Variants in SAE1 observed in about 807,000 individuals in gnomAD.
SAE1 encodes the protein SUMO1 activating enzyme subunit 1.
A neutral mutation model predicts 40.6 loss-of-function variants in SAE1; 11 were observed. That is an observed-to-expected ratio of 0.27 (90% CI 0.17 to 0.45). The LOEUF is 0.45. Among genes scored for constraint, SAE1 ranks in the 20% least tolerant of loss-of-function variants. The probability of loss-of-function intolerance (pLI) is 1.00; values close to 1 mark genes in which losing one functional copy is unlikely to be tolerated. For missense variants in SAE1, 373 were observed against 427.3 expected, an observed-to-expected ratio of 0.87 and a Z score of 1.12; for synonymous variants, 155 against 154.3, an observed-to-expected ratio of 1.00 and a Z score of -0.03.
intron 7 of SAE1, among the ~76,000 whole-genome samples, chr19:47,201,128 G>A (rs964445069): frequency 7.9e-5 from 12 of 151,148 alleles, no homozygotes; most frequent in African/African-American, 1.2e-4. Flanking sequence ...TGCAACCTCC[G>A]CCTCTGTGCT....
intron 5 of SAE1, among the ~76,000 whole-genome samples, chr19:47,162,897 C>T (rs1010237691): frequency 2.0e-5 from 3 of 152,006 alleles, no homozygotes; most frequent in Non-Finnish European, 2.9e-5. Flanking sequence ...GAAGCTGAGG[C>T]GGGAGGATTG....
chr19:47,171,155 A>G (rs1568598466), intron 6 of SAE1, among the ~76,000 whole-genome samples: 1 of 149,286 alleles, frequency 6.7e-6, no homozygotes, highest in East Asian at 2.0e-4. Flanking sequence ...TTATATTTTT[A>G]GTAGAGACAG....
chr19:47,193,164 T>C (rs2058590335), intron 6 of SAE1, among the ~76,000 whole-genome samples: 1 of 151,352 alleles, frequency 6.6e-6, no homozygotes, highest in African/African-American at 2.4e-5. Context: ...TTCAAGAGAT[T>C]CTCCTGCCTC....
At chr19:47,136,465 T>C (rs528384168) in intron 1 of SAE1, among the ~76,000 whole-genome samples, 71 of 150,390 alleles carry the variant, frequency 4.7e-4, no homozygotes, top group Middle Eastern at 3.5e-3. Flanking sequence ...GGTATATACC[T>C]AGCAGTGGGA....
At chr19:47,132,492 A>C (rs2058151786) in intron 1 of SAE1, among the ~76,000 whole-genome samples, 1 of 148,164 alleles carries the variant, frequency 6.7e-6, no homozygotes, top group Non-Finnish European at 1.5e-5. Flanking sequence ...TCCCAAGCTC[A>C]AGCGATCCTC....
chr19:47,161,342 A>G (rs893678367), intron 5 of SAE1, among the ~76,000 whole-genome samples: 9 of 152,190 alleles, frequency 5.9e-5, no homozygotes, highest in African/African-American at 2.2e-4. Flanking sequence ...TTTAATGCAC[A>G]AAAGAAGATA....
intron 5 of SAE1, among the ~76,000 whole-genome samples, chr19:47,167,840 T>C (rs960693433): frequency 1.3e-5 from 2 of 152,186 alleles, no homozygotes; most frequent in African/African-American, 4.8e-5. Flanking sequence ...AGACGGGATC[T>C]AACAGTGTTC....
chr19:47,159,223 C>T (rs1209985670), intron 5 of SAE1, among the ~76,000 whole-genome samples: 2 of 152,198 alleles, frequency 1.3e-5, no homozygotes, highest in Non-Finnish European at 2.9e-5. Context: ...AGAAATTCCA[C>T]AGTTGAGGAG....
chr19:47,197,924 T>C (rs912006283), intron 7 of SAE1, among the ~76,000 whole-genome samples: 2 of 152,198 alleles, frequency 1.3e-5, no homozygotes, highest in Non-Finnish European at 2.9e-5. Flanking sequence ...TTGGTCAGCA[T>C]TGCCACCTTG....
chr19:47,165,360 G>A (rs902400302), intron 5 of SAE1, among the ~76,000 whole-genome samples: 5 of 152,150 alleles, frequency 3.3e-5, no homozygotes, highest in African/African-American at 1.2e-4. Flanking sequence ...AAAGTGCTGG[G>A]ATTATAGGTG....
At chr19:47,142,230 A>G (rs2058226548) in intron 1 of SAE1, among the ~76,000 whole-genome samples, 1 of 152,028 alleles carries the variant, frequency 6.6e-6, no homozygotes, top group Non-Finnish European at 1.5e-5. Context: ...CCAAAAATAC[A>G]AAAACTAGCC....
At chr19:47,148,054 G>C (rs1357282037) in intron 2 of SAE1, among the ~76,000 whole-genome samples, 1 of 151,932 alleles carries the variant, frequency 6.6e-6, no homozygotes, top group African/African-American at 2.4e-5. Context: ...GCCACCACGC[G>C]TGGCCCTCAA....
intron 6 of SAE1, among the ~76,000 whole-genome samples, chr19:47,178,110 G>T (rs2058482257): frequency 6.6e-6 from 1 of 152,022 alleles, no homozygotes; most frequent in Non-Finnish European, 1.5e-5. Context: ...GCATGGTGGT[G>T]TGCGCCTGTA....
intron 1 of SAE1, among the ~76,000 whole-genome samples, chr19:47,132,341 A>G (rs1475728682): frequency 2.0e-5 from 3 of 149,132 alleles, no homozygotes; most frequent in African/African-American, 7.4e-5. Flanking sequence ...CTCAACCTCC[A>G]AGGCTCAAGG....
intron 6 of SAE1, among the ~76,000 whole-genome samples, chr19:47,189,410 A>T (rs983034367): frequency 5.3e-5 from 8 of 152,072 alleles, no homozygotes; most frequent in Non-Finnish European, 8.8e-5. Context: ...TATGTATATA[A>T]ATGAGCCGGG....
chr19:47,135,247 T>C (rs2058171257), intron 1 of SAE1, among the ~76,000 whole-genome samples: 2 of 152,174 alleles, frequency 1.3e-5, no homozygotes, highest in Non-Finnish European at 2.9e-5. Context: ...CACCCTGTTA[T>C]GCTATCAAAT....
chr19:47,174,293 C>CT (rs2058454314), intron 6 of SAE1, among the ~76,000 whole-genome samples: 2 of 144,042 alleles, frequency 1.4e-5, no homozygotes, highest in Admixed American at 7.0e-5. Context: ...TTTCTTTTTT[C>CT]TTTTTCTTTT....
intron 5 of SAE1, among the ~76,000 whole-genome samples, chr19:47,166,320 ACTC>A (rs1298779321): frequency 1.3e-5 from 2 of 152,022 alleles, no homozygotes; most frequent in Non-Finnish European, 2.9e-5. Context: ...CTGGCACAGA[ACTC>A]CTAAGGAGTG....
intron 4 of SAE1, 65 bp downstream of exon 4, chr19:47,153,105 TTATG>T: frequency 7.3e-7 from 1 of 1,365,822 alleles, no homozygotes; most frequent in Non-Finnish European, 1.0e-6. Flanking sequence ...TTTTTTTAAA[TTATG>T]TATTTATTTA....
Sources: allele counts gnomAD v4.1 joint callset (sites outside exome capture counted in the v4.1 genomes callset), GRCh38; gene constraint gnomAD v4.1.1; transcripts MANE v1.5; gene names NCBI Gene and HGNC (gene_info 2026-07-23, HGNC 2026-07-21).